The following CYP3A7 variants were observed in gnomAD, a reference collection of about 807,000 sequenced individuals.
The protein encoded by CYP3A7 is cytochrome P450 family 3 subfamily A member 7.
Under a neutral mutation model 55.2 loss-of-function variants are expected in CYP3A7, and 45 were observed. The ratio of observed to expected loss-of-function variants is 0.82; its 90% CI spans 0.64 to 1.05. The LOEUF (loss-of-function observed/expected upper bound fraction) is 1.05, where lower values mean the gene tolerates loss of function less well. Among genes scored for constraint, CYP3A7 ranks in the 50% least tolerant of loss-of-function variants. The pLI is 0.00. For missense variants in CYP3A7, 548 were observed against 605.3 expected (o/e 0.91, Z 0.99); for synonymous variants, 180 against 207.4 (o/e 0.87, Z 1.13).
At chr7:99,724,429 C>T (rs1197994485) in intron 2 of CYP3A7, among the ~76,000 whole-genome samples, 1 of 152,142 alleles carries the variant, frequency 6.6e-6, no homozygotes, top group Non-Finnish European at 1.5e-5. Context: ...CAGTCTCTCC[C>T]TAGTCTCTGC....
chr7:99,716,899 CT>C (rs1326870777), intron 6 of CYP3A7, among the ~76,000 whole-genome samples: 1 of 152,198 alleles, frequency 6.6e-6, no homozygotes, highest in Non-Finnish European at 1.5e-5. Context: ...ACTTTTCCCC[CT>C]AAAGGATGTA....
intron 2 of CYP3A7, 42 bp downstream of exon 2, chr7:99,731,017 T>G: frequency 6.2e-7 from 1 of 1,610,958 alleles, no homozygotes. Flanking sequence ...AGTTGCTCTT[T>G]GCAATCATAA....
intron 7 of CYP3A7, among the ~76,000 whole-genome samples, chr7:99,714,948 C>T (rs555460795): frequency 6.6e-6 from 1 of 152,272 alleles, no homozygotes; most frequent in South Asian, 2.1e-4. Context: ...ATTCAATGCC[C>T]TAATCTCTTT....
At chr7:99,723,887 T>C (rs1170651905) in intron 2 of CYP3A7, among the ~76,000 whole-genome samples, 1 of 152,216 alleles carries the variant, frequency 6.6e-6, no homozygotes, top group Non-Finnish European at 1.5e-5. Flanking sequence ...CAGTCTTCCC[T>C]TGGTGTCTAA....
At position 99,709,035 on chromosome 7, in the gene CYP3A7, C is replaced by A; in HGVS notation, c.1253G>T (p.Arg418Met). ...GGCTCCCTTCCCAGGGGCCTCCTACCTTTCAGGGAGGAACTTCTCAGGCTC... is the reference window on the plus strand; with the variant it reads ...GGCTCCCTTCCCAGGGGCCTCCTACATTTCAGGGAGGAACTTCTCAGGCTC... ...WTEPEKFLPE[R>M]FSKKNKDNID... is the part of the protein sequence containing the mutation. The change falls in exon 11 of 13, where the codon AGG becomes ATG. Residue 418 changes from arginine to methionine, a missense_variant and splice_region_variant. Transcript: ENST00000336374. The A allele has an allele frequency of 6.2e-7, 1 of 1,613,918 alleles. No homozygotes were observed. Among genetic ancestry groups the A allele is most frequent in the Non-Finnish European group, 8.5e-7 (1 of 1,179,900 alleles).
intron 2 of CYP3A7, among the ~76,000 whole-genome samples, chr7:99,728,927 G>A (rs991675221): frequency 3.9e-5 from 6 of 152,232 alleles, no homozygotes; most frequent in South Asian, 4.1e-4. Flanking sequence ...AGCCCTAGTC[G>A]TCCTCCAACA....
At chr7:99,709,397 T>C (rs754901607) in intron 10 of CYP3A7, 136 bp from the exon 11 acceptor site, 165 of 1,365,704 alleles carry the variant, frequency 1.2e-4, no homozygotes, top group Non-Finnish European at 1.5e-4. Flanking sequence ...ATTCATAAAG[T>C]ATTTTAATAA....
intron 9 of CYP3A7, among the ~76,000 whole-genome samples, chr7:99,711,552 C>T (rs1194185465): frequency 1.3e-5 from 2 of 152,024 alleles, no homozygotes; most frequent in African/African-American, 2.4e-5. Context: ...GTGGATCACC[C>T]GAGGTCAGGA....
intron 2 of CYP3A7, among the ~76,000 whole-genome samples, chr7:99,729,913 C>T (rs1431664292): frequency 6.6e-6 from 1 of 152,182 alleles, no homozygotes; most frequent in East Asian, 1.9e-4. Context: ...TTGGTGGTCT[C>T]CTCACACGGA....
intron 1 of CYP3A7, among the ~76,000 whole-genome samples, chr7:99,733,880 A>T (rs1814724624): frequency 6.6e-6 from 1 of 152,246 alleles, no homozygotes; most frequent in South Asian, 2.1e-4. Context: ...GTATTAAAAT[A>T]AACTCTTGGG....
chr7:99,723,818 G>A (rs2740561), intron 2 of CYP3A7, among the ~76,000 whole-genome samples: 115,889 of 152,074 alleles, frequency 0.76, 47,128 homozygotes, highest in Non-Finnish European at 0.91. Flanking sequence ...TGGTAGAGAC[G>A]GAGGAGATAC....
intron 3 of CYP3A7, among the ~76,000 whole-genome samples, chr7:99,721,908 C>G (rs145718975): frequency 7.9e-4 from 121 of 152,270 alleles, no homozygotes; most frequent in Middle Eastern, 6.8e-3. Flanking sequence ...AAAGCCCAAC[C>G]CAACCTTACA....
At chr7:99,708,890 A>G (rs775588644) in intron 11 of CYP3A7, 145 bp downstream of exon 11, 45 of 963,272 alleles carry the variant, frequency 4.7e-5, no homozygotes, top group Non-Finnish European at 6.4e-5. Context: ...AAGTGTGACA[A>G]TGATCAATTT....
rs1813911739 is a variant in CYP3A7 at position 99,715,604 on chromosome 7, A to G, written c.670+154T>C. The G allele has an allele frequency of 3.0e-6, 4 of 1,342,566 alleles. No individual in the cohort carries two copies. The East Asian group carries it at 9.9e-5, about 33-fold the overall frequency. 83.2% of individuals were successfully genotyped at this position (1,342,566 alleles called of 1,614,324 possible). On this transcript the variant is annotated intron_variant, in intron 7 of 12. Transcript: ENST00000336374. ...TTCTAGAATGACAGAAGTGTTTTAA[A>G]GTTTACAATGGTGATGGTCGTACAT...
chr7:99,734,971 T>A, intron 1 of CYP3A7, 52 bp downstream of exon 1: 5 of 1,612,782 alleles, frequency 3.1e-6, no homozygotes, highest in Non-Finnish European at 4.2e-6. Flanking sequence ...GAGGCCTGAT[T>A]AGCACCCCAA....
intron 2 of CYP3A7, among the ~76,000 whole-genome samples, chr7:99,727,492 G>A (rs2090949): frequency 0.76 from 115,906 of 152,082 alleles, 47,130 homozygotes; most frequent in Non-Finnish European, 0.91. Flanking sequence ...CTGGGCTTCA[G>A]TCTGGCCTCC....
intron 6 of CYP3A7, among the ~76,000 whole-genome samples, chr7:99,716,657 A>G (rs1343652990): frequency 6.6e-6 from 1 of 152,052 alleles, no homozygotes; most frequent in Non-Finnish European, 1.5e-5. Context: ...TGCCCCACCT[A>G]TAGCGTTTTT....
chr7:99,716,012 C>T, intron 6 of CYP3A7, 106 bp from the exon 7 acceptor site: 1 of 1,600,510 alleles, frequency 6.2e-7, no homozygotes, highest in Non-Finnish European at 8.5e-7. Flanking sequence ...GACAAACAGC[C>T]ACAGACTTTC....
At chr7:99,724,474 C>A (rs1334428736) in intron 2 of CYP3A7, among the ~76,000 whole-genome samples, 1 of 152,092 alleles carries the variant, frequency 6.6e-6, no homozygotes, top group African/African-American at 2.4e-5. Context: ...TTTCTTCTTT[C>A]TCTCCTGTCT....
Sources: gnomAD v4.1 joint callset for allele counts (sites outside exome capture counted in the v4.1 genomes callset) on GRCh38, gnomAD v4.1.1 for gene constraint, MANE v1.5 for transcripts, NCBI Gene and HGNC (gene_info 2026-07-23, HGNC 2026-07-21) for gene names.